The following PRELID2 variants were observed in gnomAD, a reference collection of about 807,000 sequenced individuals.
The protein encoded by PRELID2 is PRELI domain-containing protein 2.
In PRELID2, 25 loss-of-function variants were observed where a neutral mutation model predicts 28.4. The observed-to-expected ratio is 0.88, with a 90% CI of 0.64 to 1.23. The LOEUF is 1.23. PRELID2 is among the 50% of genes most tolerant of loss of function. PRELID2 has a pLI of 0.00. For synonymous variants in PRELID2, 76 were observed against 71.6 expected (o/e 1.06, Z -0.31); for missense variants, 201 against 214.4 (o/e 0.94, Z 0.39).
chr5:145,680,626 A>G (rs1299724419), intron 1 of PRELID2, among the ~76,000 whole-genome samples: 1 of 152,228 alleles, frequency 6.6e-6, no homozygotes, highest in Non-Finnish European at 1.5e-5. Flanking sequence ...TCGGAAACAC[A>G]AGTCCATGTA....
At chr5:145,397,811 A>G in the PRELID2 span, among the ~76,000 whole-genome samples, 1 of 152,178 alleles carries the variant, frequency 6.6e-6, no homozygotes, top group African/African-American at 2.4e-5. Flanking sequence ...AGAGAAGCGA[A>G]AACTGAGTTT....
At chr5:145,744,820 A>G (rs912732211) in intron 1 of PRELID2, among the ~76,000 whole-genome samples, 1 of 152,112 alleles carries the variant, frequency 6.6e-6, no homozygotes, top group African/African-American at 2.4e-5. Context: ...AATGATTGCA[A>G]CGTTTCTCCA....
chr5:145,818,990 T>C (rs1454791754), intron 3 of PRELID2, among the ~76,000 whole-genome samples: 5 of 152,130 alleles, frequency 3.3e-5, no homozygotes, highest in East Asian at 1.9e-4. Flanking sequence ...GTTCCCATGA[T>C]AGTGAATAAG....
At chr5:145,745,490 C>T (rs1756965349) in intron 1 of PRELID2, among the ~76,000 whole-genome samples, 2 of 152,162 alleles carry the variant, frequency 1.3e-5, no homozygotes, top group Admixed American at 6.5e-5. Flanking sequence ...AAGGGAAGCC[C>T]ATCAGACTAA....
At chr5:145,391,885 C>A in the PRELID2 span, among the ~76,000 whole-genome samples, 13 of 152,168 alleles carry the variant, frequency 8.5e-5, no homozygotes, top group Non-Finnish European at 1.6e-4. Flanking sequence ...CAAGACTCAT[C>A]TTTGCTCAAG....
At chr5:145,812,828 C>A (rs765990335) in intron 4 of PRELID2, among the ~76,000 whole-genome samples, 2 of 152,118 alleles carry the variant, frequency 1.3e-5, no homozygotes, top group Non-Finnish European at 2.9e-5. Context: ...AATAGAAATT[C>A]CATTCCATAA....
At chr5:145,500,186 G>A (rs1043507301) in intron 1 of PRELID2, among the ~76,000 whole-genome samples, 3 of 152,126 alleles carry the variant, frequency 2.0e-5, no homozygotes, top group Non-Finnish European at 4.4e-5. Context: ...TGGAGGAGGG[G>A]CCTGGTGGGA....
At chr5:145,570,160 T>C (rs2149616963) in intron 1 of PRELID2, among the ~76,000 whole-genome samples, 1 of 152,312 alleles carries the variant, frequency 6.6e-6, no homozygotes, top group African/African-American at 2.4e-5. Context: ...ATACCAGTCA[T>C]ATTGATTAGT....
chr5:145,830,062 T>A (rs1170528479), intron 1 of PRELID2, among the ~76,000 whole-genome samples: 1 of 152,184 alleles, frequency 6.6e-6, no homozygotes, highest in Non-Finnish European at 1.5e-5. Flanking sequence ...GACATGTTTC[T>A]GAATCCCATA....
At chr5:145,320,673 T>A in the PRELID2 span, among the ~76,000 whole-genome samples, 1 of 152,196 alleles carries the variant, frequency 6.6e-6, no homozygotes, top group Non-Finnish European at 1.5e-5. Flanking sequence ...GGGAACAATA[T>A]GCCTTTTTTC....
chr5:145,425,040 A>G, the PRELID2 span, among the ~76,000 whole-genome samples: 1 of 150,626 alleles, frequency 6.6e-6, no homozygotes. Context: ...TAATATCCAG[A>G]GTCTACAAGG....
At chr5:145,808,727 G>C (rs1753719191) in intron 4 of PRELID2, among the ~76,000 whole-genome samples, 2 of 150,462 alleles carry the variant, frequency 1.3e-5, no homozygotes, top group Admixed American at 1.3e-4. Flanking sequence ...CTACAAAAAA[G>C]AAAAAAAAAT....
At chr5:145,708,126 G>T (rs1234840322) in intron 1 of PRELID2, among the ~76,000 whole-genome samples, 1 of 151,996 alleles carries the variant, frequency 6.6e-6, no homozygotes. Flanking sequence ...GGGTGGTTGG[G>T]GGTAGAGAGA....
At position 145,628,487 on chromosome 5, in the gene PRELID2, C is replaced by T. The variant is rs145212528; in HGVS notation, n.70+136444G>A. 5.3e-4 allele frequency among the ~76,000 whole-genome samples: 80 copies of T among 152,124 alleles called. No individual in the cohort carries two copies. The East Asian group carries it at 0.013, about 25-fold the overall frequency. On this transcript the variant is annotated intron_variant and non_coding_transcript_variant, in intron 1 of 2. Transcript: ENST00000510259. Reference sequence around the variant, plus strand: ...TACAGGTATATGCCACCATGCCTGGCGAATTTTTGTATTTTTAGTAGAGAT... The same window carrying T: ...TACAGGTATATGCCACCATGCCTGGTGAATTTTTGTATTTTTAGTAGAGAT...
intron 1 of PRELID2, among the ~76,000 whole-genome samples, chr5:145,657,764 T>C (rs1416929524): frequency 6.6e-6 from 1 of 152,170 alleles, no homozygotes; most frequent in Non-Finnish European, 1.5e-5. Flanking sequence ...ACTCCTCAAA[T>C]GTTGACTCTG....
Position 145,780,601 on chromosome 5 carries a change from A to C in PRELID2, c.475-15601T>G, listed in dbSNP as rs994826156. On this transcript the variant is annotated intron_variant, in intron 5 of 6. Coordinates refer to ENST00000683046, the MANE Select transcript of PRELID2 (RefSeq NM_205846.3). ...TAGTACCTATTTAAAACATTGTTAA[A>C]TAAGTTTTTTTAATTTTGTTTAAAG... Among the ~76,000 whole-genome samples, 51 of 152,222 alleles carry C rather than the reference A, an allele frequency of 3.4e-4. 1 individual carries two copies. The highest frequency in any genetic ancestry group is 1.2e-3 in the African/African-American group (49 of 41,456).
chr5:145,567,903 T>C (rs577273900), intron 1 of PRELID2, among the ~76,000 whole-genome samples: 22 of 152,188 alleles, frequency 1.4e-4, no homozygotes, highest in African/African-American at 5.1e-4. Context: ...AATACACCGA[T>C]AAATCTGATG....
chr5:145,729,517 C>T (rs973383189), intron 1 of PRELID2, among the ~76,000 whole-genome samples: 2 of 152,014 alleles, frequency 1.3e-5, no homozygotes, highest in African/African-American at 2.4e-5. Context: ...CTGGGTCTTA[C>T]ACCCCATGCC....
intron 1 of PRELID2, among the ~76,000 whole-genome samples, chr5:145,490,109 C>T: frequency 6.6e-6 from 1 of 152,170 alleles, no homozygotes; most frequent in East Asian, 1.9e-4. Flanking sequence ...GCTATCATCA[C>T]ACCTCCATAT....
Sources: allele counts gnomAD v4.1 joint callset (sites outside exome capture counted in the v4.1 genomes callset), GRCh38; gene constraint gnomAD v4.1.1; transcripts MANE v1.5; gene names NCBI Gene and HGNC (gene_info 2026-07-23, HGNC 2026-07-21).